PXT1: variants seen among roughly 807,000 people sequenced by gnomAD.
The protein encoded by PXT1 is peroxisomal testis-specific protein 1.
Under a neutral mutation model 11.0 loss-of-function variants are expected in PXT1, and 11 were observed. The observed-to-expected ratio is 1.00, with a 90% CI of 0.63 to 1.66. The LOEUF is 1.66. Among genes scored for constraint, PXT1 ranks in the 40% most tolerant of loss-of-function variants. The pLI is 0.00. For missense variants in PXT1, 141 were observed against 155.5 expected (o/e 0.91, Z 0.49); for synonymous variants, 43 against 51.4 (o/e 0.84, Z 0.70).
chr6:36,404,385 T>C (rs1257577880), intron 3 of PXT1, among the ~76,000 whole-genome samples: 1 of 152,110 alleles, frequency 6.6e-6, no homozygotes, highest in Admixed American at 6.5e-5. Context: ...TTTGATGATG[T>C]TGATGTAAAC....
At chr6:36,394,646 T>C (rs892706116) in intron 4 of PXT1, among the ~76,000 whole-genome samples, 1 of 151,882 alleles carries the variant, frequency 6.6e-6, no homozygotes, top group African/African-American at 2.4e-5. Flanking sequence ...CAAAGGCATA[T>C]TTAAAATTCT....
intron 3 of PXT1, among the ~76,000 whole-genome samples, chr6:36,419,444 G>T (rs143355136): frequency 6.6e-6 from 1 of 152,356 alleles, no homozygotes; most frequent in Non-Finnish European, 1.5e-5. Flanking sequence ...GCAGCTCAGT[G>T]ATCAGGGCAG....
chr6:36,423,772 G>A (rs1774560878), intron 3 of PXT1, among the ~76,000 whole-genome samples: 3 of 152,186 alleles, frequency 2.0e-5, no homozygotes. Context: ...GAAGTGGGAG[G>A]ACATGGGAGA....
At chr6:36,437,516 T>G (rs9394351) in intron 2 of PXT1, among the ~76,000 whole-genome samples, 3 of 396 alleles carry the variant, frequency 7.6e-3, no homozygotes, top group African/African-American at 0.012. Context: ...TTGTGTGGGT[T>G]TTTTTTTTTT....
chr6:36,433,937 T>C (rs1774729799), intron 2 of PXT1, among the ~76,000 whole-genome samples: 1 of 151,462 alleles, frequency 6.6e-6, no homozygotes, highest in South Asian at 2.1e-4. Flanking sequence ...TTCAGCAAAA[T>C]AGATAAATAT....
intron 2 of PXT1, among the ~76,000 whole-genome samples, chr6:36,432,863 A>G (rs1043024466): frequency 2.6e-5 from 4 of 152,110 alleles, no homozygotes; most frequent in Admixed American, 6.5e-5. Flanking sequence ...TACTGAAAAG[A>G]AAACACCCAG....
rs976325664 is a variant in PXT1, at chr6:36,426,618, C to T, written c.-9-527G>A. Among the ~76,000 whole-genome samples the T allele has an allele frequency of 8.5e-5, 13 of 152,128 alleles. 1 individual carries two copies. The highest frequency in any genetic ancestry group is 3.1e-4 in the African/African-American group (13 of 41,426). ...CTCCTGACCTCAGGTGATCCGCCTG[C>T]CTCAGCCTCCCAAAGTGTTGGGATT... On this transcript the variant is annotated intron_variant, in intron 2 of 4. Transcript: ENST00000454782.
At chr6:36,431,116 G>A (rs961676696) in intron 2 of PXT1, among the ~76,000 whole-genome samples, 9 of 151,912 alleles carry the variant, frequency 5.9e-5, no homozygotes, top group South Asian at 2.1e-4. Context: ...ATGCCTGGCC[G>A]TAAATTGTCA....
chr6:36,399,141 C>T (rs68126398), intron 4 of PXT1, among the ~76,000 whole-genome samples: 1 of 82,038 alleles, frequency 1.2e-5, no homozygotes, highest in African/African-American at 3.1e-5. Context: ...TATTTCATTT[C>T]ATTTCATTTC....
chr6:36,392,864 C>G (rs1278775444), intron 4 of PXT1, among the ~76,000 whole-genome samples: 2 of 152,136 alleles, frequency 1.3e-5, no homozygotes, highest in African/African-American at 4.8e-5. Flanking sequence ...TGTTGAAATG[C>G]GGCTTCTCTG....
intron 2 of PXT1, among the ~76,000 whole-genome samples, chr6:36,426,332 TA>T (rs1774606138): frequency 6.7e-6 from 1 of 150,164 alleles, no homozygotes. Flanking sequence ...TATCTCCCAT[TA>T]GTCTTTCTTC....
At chr6:36,425,823 T>TATATATAC (rs1774597648) in intron 3 of PXT1, 91 bp downstream of exon 3, 3 of 445,182 alleles carry the variant, frequency 6.7e-6, no homozygotes, top group Non-Finnish European at 1.1e-5. Context: ...TATATATATA[T>TATATATAC]ATATATTTAA....
At chr6:36,399,513 T>C (rs536979103) in intron 4 of PXT1, among the ~76,000 whole-genome samples, 2 of 152,286 alleles carry the variant, frequency 1.3e-5, no homozygotes, top group South Asian at 4.1e-4. Flanking sequence ...GATGTTTTAT[T>C]TGAGGGAAAG....
At chr6:36,410,392 G>A (rs1236323066) in intron 3 of PXT1, among the ~76,000 whole-genome samples, 3 of 151,496 alleles carry the variant, frequency 2.0e-5, no homozygotes, top group African/African-American at 7.3e-5. Context: ...GGAGGTTGCA[G>A]TGAGCCGAGA....
Position 36,438,590 on chromosome 6 carries a change from T to C in PXT1, c.-10+177A>G, listed in dbSNP as rs1464181007. The stretch of plus-strand genomic sequence containing the variant: ...GGTGCCTGCCACCACGCCCGGCTAA[T>C]TGTTTGTATTTTTAGTAGAGATGGG... On this transcript the variant is annotated intron_variant, in intron 2 of 4. Transcript: ENST00000454782. Among the ~76,000 whole-genome samples, 5 of 152,004 alleles carry C rather than the reference T, an allele frequency of 3.3e-5. No homozygotes were observed. The East Asian group carries it at 9.7e-4, about 29-fold the overall frequency.
intron 4 of PXT1, among the ~76,000 whole-genome samples, chr6:36,395,611 TCCTA>T (rs1774132987): frequency 6.9e-6 from 1 of 145,228 alleles, no homozygotes; most frequent in African/African-American, 2.5e-5. Flanking sequence ...CAAGCGATCC[TCCTA>T]CCTCAGCCTT....
intron 1 of PXT1, among the ~76,000 whole-genome samples, chr6:36,440,272 TC>T (rs1424249062): frequency 6.6e-6 from 1 of 152,242 alleles, no homozygotes; most frequent in African/African-American, 2.4e-5. Context: ...ATATTTTTAT[TC>T]TTAAGAGTCA....
intron 3 of PXT1, among the ~76,000 whole-genome samples, chr6:36,417,554 G>A (rs1459218224): frequency 6.5e-5 from 9 of 138,494 alleles, no homozygotes; most frequent in African/African-American, 1.6e-4. Flanking sequence ...CAGGAGTTTC[G>A]GACTAGTCTG....
At chr6:36,442,006 T>C (rs922233271) in intron 1 of PXT1, among the ~76,000 whole-genome samples, 44 of 152,160 alleles carry the variant, frequency 2.9e-4, no homozygotes, top group African/African-American at 9.2e-4. Context: ...TATTAGTTTA[T>C]AGAGCTTTCA....
Sources: allele counts gnomAD v4.1 joint callset (sites outside exome capture counted in the v4.1 genomes callset), GRCh38; gene constraint gnomAD v4.1.1; transcripts MANE v1.5; gene names NCBI Gene and HGNC (gene_info 2026-07-23, HGNC 2026-07-21).